MOXD1: variants seen among roughly 807,000 people sequenced by gnomAD.
MOXD1 encodes monooxygenase DBH like 1, also known as DBH-like monooxygenase protein 1.
A neutral mutation model predicts 66.6 loss-of-function variants in MOXD1; 62 were observed. That is an observed-to-expected ratio of 0.93 (90% confidence interval 0.76 to 1.15). The LOEUF (loss-of-function observed/expected upper bound fraction) is 1.15. Among genes scored for constraint, MOXD1 ranks in the 50% most tolerant of loss-of-function variants. The probability of loss-of-function intolerance (pLI) is 0.00; values close to 1 mark genes in which losing one functional copy is unlikely to be tolerated. For synonymous variants in MOXD1, 303 were observed against 281.9 expected, an observed-to-expected ratio of 1.07 and a Z score of -0.75; for missense variants, 847 against 754.6, an observed-to-expected ratio of 1.12 and a Z score of -1.44.
chr6:132,393,996 C>G (rs1167079976), intron 1 of MOXD1, among the ~76,000 whole-genome samples: 1 of 152,208 alleles, frequency 6.6e-6, no homozygotes, highest in Non-Finnish European at 1.5e-5. Context: ...CACAGCATAC[C>G]TGCTACCCAG....
chr6:132,321,565 TG>T (rs1330127684), intron 8 of MOXD1, among the ~76,000 whole-genome samples: 1 of 152,134 alleles, frequency 6.6e-6, no homozygotes, highest in African/African-American at 2.4e-5. Context: ...GGTAAGCAGA[TG>T]AAGCTATTCA....
chr6:132,329,870 G>T (rs541015671), intron 4 of MOXD1, among the ~76,000 whole-genome samples: 1 of 152,212 alleles, frequency 6.6e-6, no homozygotes, highest in South Asian at 2.1e-4. Context: ...AAAAAACATT[G>T]TTAGCTATGT....
intron 4 of MOXD1, among the ~76,000 whole-genome samples, chr6:132,351,091 G>A (rs1442909492): frequency 6.6e-6 from 1 of 152,088 alleles, no homozygotes; most frequent in Non-Finnish European, 1.5e-5. Flanking sequence ...AGCAAACAGG[G>A]ACAGTTTGAC....
At chr6:132,299,448 T>C (rs1774480695) in intron 10 of MOXD1, among the ~76,000 whole-genome samples, 1 of 151,850 alleles carries the variant, frequency 6.6e-6, no homozygotes, top group Middle Eastern at 3.4e-3. Context: ...ATTTTAAAAA[T>C]GTACTGAGAA....
At position 132,324,035 on chromosome 6, in the gene MOXD1, C is replaced by G. The variant is rs1291415188; in HGVS notation, c.1009G>C (p.Gly337Arg). The part of the protein sequence containing the change: ...YTMDIRKYDA[G>R]VIEAGLWVSL... ...ACCCAGAGGCCAGCCTCAATCACCC[C>G]AGCATCATATTTCCTTATATCCATT... Residue 337 changes from glycine (G) to arginine (R), a missense_variant, in exon 7 of 12, where the codon GGG becomes CGG. Gly to Arg is a moderately radical substitution (Grantham distance 125, BLOSUM62 -2). Transcript: ENST00000367963. 1 of 1,613,826 alleles carries G rather than the reference C, an allele frequency of 6.2e-7. No individual in the cohort carries two copies. The highest frequency in any genetic ancestry group is 8.5e-7 in the Non-Finnish European group (1 of 1,179,898).
intron 4 of MOXD1, among the ~76,000 whole-genome samples, chr6:132,364,583 A>C (rs2114647221): frequency 6.6e-6 from 1 of 152,316 alleles, no homozygotes; most frequent in African/African-American, 2.4e-5. Context: ...TCCAGAGCCA[A>C]TTCTTGTACA....
intron 8 of MOXD1, among the ~76,000 whole-genome samples, chr6:132,320,903 C>T (rs1259265905): frequency 6.6e-6 from 1 of 152,226 alleles, no homozygotes; most frequent in East Asian, 1.9e-4. Context: ...GACTCCACAA[C>T]ATTCTAGCTG....
intron 4 of MOXD1, among the ~76,000 whole-genome samples, chr6:132,354,037 T>A (rs572672156): frequency 2.3e-4 from 35 of 152,342 alleles, no homozygotes; most frequent in African/African-American, 7.9e-4. Context: ...TCTTTAACAA[T>A]CTATTTCCTT....
chr6:132,372,205 A>G (rs1776275535), intron 4 of MOXD1, among the ~76,000 whole-genome samples: 2 of 152,170 alleles, frequency 1.3e-5, no homozygotes, highest in African/African-American at 4.8e-5. Flanking sequence ...TTATGACAAT[A>G]TCCAGTGTTT....
chr6:132,384,608 T>C (rs1776588277), intron 1 of MOXD1, among the ~76,000 whole-genome samples: 1 of 152,188 alleles, frequency 6.6e-6, no homozygotes, highest in Admixed American at 6.5e-5. Flanking sequence ...ACTGAGGCAA[T>C]GATACTTAGG....
In MOXD1 at chr6:132,338,268, G is replaced by A. The variant is rs115148982; in HGVS notation, c.664-9674C>T. Among the ~76,000 whole-genome samples the A allele has an allele frequency of 7.5e-3, 1,139 of 152,246 alleles. 22 individuals are homozygous for A. Among genetic ancestry groups the A allele is most frequent in the African/African-American group, 0.026 (1,091 of 41,542 alleles). ...CTCGTATCTTTATTAGCAGGGTCAC[G>A]GATGGGACAGCATCAGTGCTCTACC... is the stretch of plus-strand genomic sequence containing the variant. On this transcript the variant is annotated intron_variant, in intron 4 of 11. Coordinates refer to ENST00000367963, the MANE Select transcript of MOXD1 (RefSeq NM_015529.4).
chr6:132,377,895 A>AG lies in MOXD1; in HGVS notation c.265-3119dup, dbSNP rs375097282. Among the ~76,000 whole-genome samples, 300 of 152,208 alleles carry AG rather than the reference A, an allele frequency of 2.0e-3. 2 individuals carry two copies. Among genetic ancestry groups the AG allele is most frequent in the African/African-American group, 6.9e-3 (286 of 41,538 alleles). On this transcript the variant is annotated intron_variant, in intron 1 of 11. Transcript: ENST00000367963. Reference sequence around the variant, plus strand: ...GTAATCCCAGCAATTTAGGAGGCCAAGGGGGGTGGATCACCTGAGGTTAGG... The same window carrying AG: ...GTAATCCCAGCAATTTAGGAGGCCAAGGGGGGGTGGATCACCTGAGGTTAGG...
In MOXD1 at chr6:132,378,556, G is replaced by C. The variant is rs1052302673; in HGVS notation, c.265-3779C>G. ...GCAAAGATGGAATAAATAGAAAATA[G>C]ATGTAAATGAAATGGAGAAACATCA... On this transcript the variant is annotated intron_variant, in intron 1 of 11. Coordinates refer to ENST00000367963, the MANE Select transcript of MOXD1 (RefSeq NM_015529.4). Among the ~76,000 whole-genome samples, 4 of 152,240 alleles carry C rather than the reference G, an allele frequency of 2.6e-5. No individual in the cohort carries two copies. The East Asian group carries it at 7.7e-4, about 29-fold the overall frequency.
At chr6:132,313,205 A>G (rs1774868432) in intron 10 of MOXD1, among the ~76,000 whole-genome samples, 2 of 152,202 alleles carry the variant, frequency 1.3e-5, no homozygotes, top group African/African-American at 2.4e-5. Context: ...ATTATGTACT[A>G]TATAATGTTG....
intron 10 of MOXD1, among the ~76,000 whole-genome samples, chr6:132,307,745 T>C (rs548465749): frequency 6.6e-6 from 1 of 152,180 alleles, no homozygotes; most frequent in East Asian, 1.9e-4. Context: ...TTAATGGAAA[T>C]CGAACAACCT....
intron 4 of MOXD1, among the ~76,000 whole-genome samples, chr6:132,362,102 T>C (rs1294921986): frequency 6.6e-6 from 1 of 152,126 alleles, no homozygotes; most frequent in Non-Finnish European, 1.5e-5. Flanking sequence ...GATATCTTCC[T>C]GTTTTGATAA....
chr6:132,312,412 A>AT (rs1328725279), intron 10 of MOXD1, among the ~76,000 whole-genome samples: 1 of 152,072 alleles, frequency 6.6e-6, no homozygotes, highest in Non-Finnish European at 1.5e-5. Flanking sequence ...CACCTAAGCC[A>AT]TTTTTTGTTC....
At chr6:132,343,651 T>C (rs1436401714) in intron 4 of MOXD1, among the ~76,000 whole-genome samples, 1 of 152,064 alleles carries the variant, frequency 6.6e-6, no homozygotes, top group Non-Finnish European at 1.5e-5. Flanking sequence ...TATATTGAAT[T>C]CAATATACTG....
intron 1 of MOXD1, chr6:132,390,633 A>G (rs2275396): frequency 6.6e-6 from 1 of 151,582 alleles, no homozygotes; most frequent in Non-Finnish European, 1.5e-5. Context: ...TGAACATTCC[A>G]ACATTCTGAG....
Sources: allele counts gnomAD v4.1 joint callset (sites outside exome capture counted in the v4.1 genomes callset), GRCh38; gene constraint gnomAD v4.1.1; transcripts MANE v1.5; gene names NCBI Gene and HGNC (gene_info 2026-07-23, HGNC 2026-07-21).